The following ZNF106 variants were observed in gnomAD, a reference collection of about 807,000 sequenced individuals.
ZNF106 encodes zinc finger protein 106.
Under a neutral mutation model 195.1 loss-of-function variants are expected in ZNF106, and 67 were observed. The ratio of observed to expected loss-of-function variants is 0.34; its 90% CI spans 0.28 to 0.42. The LOEUF (loss-of-function observed/expected upper bound fraction) is 0.42, where lower values mean the gene tolerates loss of function less well. ZNF106 is among the 10% of genes least tolerant of loss of function. The pLI is 1.00. For synonymous variants in ZNF106, 784 were observed against 818.6 expected (o/e 0.96, Z 0.72); for missense variants, 2,118 against 2,304.5 (o/e 0.92, Z 1.66).
At chr15:42,441,058 C>T (rs1356835493) in intron 10 of ZNF106, among the ~76,000 whole-genome samples, 3 of 113,112 alleles carry the variant, frequency 2.7e-5, no homozygotes, top group Non-Finnish European at 5.4e-5. Context: ...TGCTAAGTCA[C>T]GCGCAGTGGC....
chr15:42,483,912 C>T (rs745801689), intron 1 of ZNF106, among the ~76,000 whole-genome samples: 1 of 152,184 alleles, frequency 6.6e-6, no homozygotes, highest in Admixed American at 6.5e-5. Flanking sequence ...AAAGCACTCC[C>T]TCATCTCCCA....
At chr15:42,490,078 A>T (rs573690397) in intron 1 of ZNF106, among the ~76,000 whole-genome samples, 2 of 150,744 alleles carry the variant, frequency 1.3e-5, no homozygotes, top group Admixed American at 6.6e-5. Context: ...AAAATACAAA[A>T]AATTAGCCAG....
intron 5 of ZNF106, among the ~76,000 whole-genome samples, chr15:42,449,527 A>G (rs1290057916): frequency 1.3e-5 from 2 of 152,086 alleles, no homozygotes; most frequent in Non-Finnish European, 2.9e-5. Context: ...CTTTTTTCCT[A>G]CGTCACCACC....
At chr15:42,481,486 T>C (rs879594560) in intron 1 of ZNF106, among the ~76,000 whole-genome samples, 5 of 151,658 alleles carry the variant, frequency 3.3e-5, no homozygotes, top group Admixed American at 6.6e-5. Context: ...GCCTCCCAAG[T>C]ACCTGGGATT....
In ZNF106 at chr15:42,451,796, T is replaced by C. The variant is rs1437684518; in HGVS notation, c.476A>G (p.Lys159Arg). The change falls in exon 5 of 22, where the codon AAA becomes AGA. Residue 159 changes from lysine (K) to arginine (R), a missense_variant. Coordinates refer to ENST00000564754, the MANE Select transcript of ZNF106 (RefSeq NM_001366845.3). ...GPPQRDWKWEKDGFNNTRKNS... is the reference protein window; with the variant it reads ...GPPQRDWKWERDGFNNTRKNS... ...TTTCCTAGTATTATTAAAGCCATCT[T>C]TTTCCCATTTCCAATCCCGCTGTGG... 1 of 1,614,152 alleles carries C rather than the reference T, an allele frequency of 6.2e-7. No homozygotes were observed. The highest frequency in any genetic ancestry group is 8.5e-7 in the Non-Finnish European group (1 of 1,180,018).
chr15:42,451,376 T>C lies in ZNF106; in HGVS notation c.896A>G (p.Asp299Gly). 6.2e-7 allele frequency: 1 copy of C among 1,614,170 alleles called. No homozygotes were observed. The highest frequency in any genetic ancestry group is 8.5e-7 in the Non-Finnish European group (1 of 1,180,018). Reference sequence around the variant, plus strand: ...TTCTTGCCGCTGCCAATTATATCTGTCGTGACTGTATTTGTTTGACTTATT... The same window carrying C: ...TTCTTGCCGCTGCCAATTATATCTGCCGTGACTGTATTTGTTTGACTTATT... The part of the protein sequence containing the change: ...KSNKSNKYSH[D>G]RYNWQRQEND... Residue 299 changes from aspartate (D) to glycine (G), a missense_variant, in exon 5 of 22, where the codon GAC (aspartate) becomes GGC (glycine). Asp to Gly is a moderately conservative substitution (Grantham distance 94). Coordinates refer to ENST00000564754, the MANE Select transcript of ZNF106 (RefSeq NM_001366845.3).
chr15:42,461,828 C>G (rs766015366), intron 3 of ZNF106, among the ~76,000 whole-genome samples: 18 of 152,170 alleles, frequency 1.2e-4, no homozygotes, highest in Non-Finnish European at 2.2e-4. Flanking sequence ...CTCAGGATAA[C>G]AGGGTAAAGA....
Position 42,448,371 on chromosome 15 carries a change from T to C in ZNF106, c.2836A>G (p.Thr946Ala). ...EVTPRAASLRTGERAENVATQ... is the reference protein window; with the variant it reads ...EVTPRAASLRAGERAENVATQ... ...GCAACATTTTCAGCCCTTTCACCTG[T>C]TCGGAGGGAGGCAGCCCGAGGTGTC... Residue 946 changes from threonine (T) to alanine (A), a missense_variant, in exon 6 of 22, where the codon ACA becomes GCA. By Grantham distance (58) the Thr-to-Ala change is moderately conservative. Transcript: ENST00000564754. The C allele has an allele frequency of 6.2e-7, 1 of 1,614,174 alleles. No individual in the cohort carries two copies. The highest frequency in any genetic ancestry group is 8.5e-7 in the Non-Finnish European group (1 of 1,180,026).
intron 1 of ZNF106, among the ~76,000 whole-genome samples, chr15:42,485,960 C>CTTTTT (rs34242148): frequency 7.3e-6 from 1 of 137,446 alleles, no homozygotes; most frequent in African/African-American, 2.7e-5. Context: ...ATTACTCTTT[C>CTTTTT]TTTTTTTTTT....
In ZNF106 at chr15:42,439,582, C is replaced by T; in HGVS notation, c.3995G>A (p.Ser1332Asn). 2 of 1,614,216 alleles carry T rather than the reference C, an allele frequency of 1.2e-6. No individual in the cohort carries two copies. Among genetic ancestry groups the T allele is most frequent in the Non-Finnish European group, 8.5e-7 (1 of 1,180,040 alleles). ...KGNSGSEACT[S>N]SFLRLSFASE... ...AGCAAAAGACAATCTTAGAAAAGAA[C>T]TGGTACAGGCTTCAGACCCACTATT... The change falls in exon 11 of 22, where the codon AGT becomes AAT. Residue 1332 changes from serine to asparagine, a missense_variant. Coordinates refer to ENST00000564754, the MANE Select transcript of ZNF106 (RefSeq NM_001366845.3).
chr15:42,464,728 C>G (rs972302250), intron 3 of ZNF106, among the ~76,000 whole-genome samples: 1 of 151,872 alleles, frequency 6.6e-6, no homozygotes, highest in Non-Finnish European at 1.5e-5. Flanking sequence ...GGGATAGAGA[C>G]AGGTGATATG....
chr15:42,450,677 G>A lies in ZNF106; in HGVS notation c.1595C>T (p.Ser532Leu), dbSNP rs865884252. Residue 532 changes from serine (S) to leucine (L), a missense_variant, in exon 5 of 22, where the codon TCA becomes TTA. By Grantham distance (145) the Ser-to-Leu change is moderately radical. Coordinates refer to ENST00000564754, the MANE Select transcript of ZNF106 (RefSeq NM_001366845.3). ...HGPYISKLRS[S>L]CPHVLKGNKS... ...ATTCCCTTTTAAAACATGAGGACATGAACTACGCAGTTTGGATATGTAAGG... is the reference window on the plus strand; with the variant it reads ...ATTCCCTTTTAAAACATGAGGACATAAACTACGCAGTTTGGATATGTAAGG... The A allele has an allele frequency of 6.2e-7, 1 of 1,614,178 alleles. No individual in the cohort carries two copies. Among genetic ancestry groups the A allele is most frequent in the Non-Finnish European group, 8.5e-7 (1 of 1,180,026 alleles).
At chr15:42,460,304 C>G (rs891444702) in intron 3 of ZNF106, among the ~76,000 whole-genome samples, 2 of 152,122 alleles carry the variant, frequency 1.3e-5, no homozygotes, top group African/African-American at 4.8e-5. Context: ...AAAGACACAA[C>G]TAGAAAGCAA....
chr15:42,485,149 C>T (rs898587293), intron 1 of ZNF106, among the ~76,000 whole-genome samples: 1 of 152,060 alleles, frequency 6.6e-6, no homozygotes, highest in Non-Finnish European at 1.5e-5. Flanking sequence ...GACCTTACCT[C>T]AGAAAAACAA....
intron 9 of ZNF106, 69 bp from the exon 10 acceptor site, chr15:42,442,483 A>G: frequency 1.5e-6 from 2 of 1,338,540 alleles, no homozygotes; most frequent in South Asian, 1.4e-5. Flanking sequence ...TGTCTGAGCT[A>G]ATTTGTATTT....
chr15:42,428,678 G>A (rs908427689), intron 14 of ZNF106, among the ~76,000 whole-genome samples: 28 of 152,144 alleles, frequency 1.8e-4, no homozygotes, highest in African/African-American at 6.5e-4. Flanking sequence ...TTAATTCAGT[G>A]GGCTCTAGAA....
At chr15:42,487,490 C>CAA (rs961444853) in intron 1 of ZNF106, among the ~76,000 whole-genome samples, 12,221 of 43,764 alleles carry the variant, frequency 0.28, 1,701 homozygotes, top group Non-Finnish European at 0.31. Context: ...GACCCTGTCT[C>CAA]AAAAAAAAAA....
At chr15:42,432,166 C>T (rs1476416207) in intron 14 of ZNF106, among the ~76,000 whole-genome samples, 1 of 152,012 alleles carries the variant, frequency 6.6e-6, no homozygotes, top group Non-Finnish European at 1.5e-5. Context: ...TTGTCTTTTT[C>T]ATTTTTTAAA....
chr15:42,459,876 T>TAA (rs143304513), intron 3 of ZNF106, among the ~76,000 whole-genome samples: 7 of 148,682 alleles, frequency 4.7e-5, no homozygotes, highest in African/African-American at 9.9e-5. Flanking sequence ...CCATCTCTAC[T>TAA]AAAAAAAAAT....
Sources: gnomAD v4.1 joint callset for allele counts (sites outside exome capture counted in the v4.1 genomes callset) on GRCh38, gnomAD v4.1.1 for gene constraint, MANE v1.5 for transcripts, NCBI Gene and HGNC (gene_info 2026-07-23, HGNC 2026-07-21) for gene names.